The following SYT6 variants were observed in gnomAD, a reference collection of about 807,000 sequenced individuals.
The protein encoded by SYT6 is synaptotagmin 6.
A neutral mutation model predicts 38.4 loss-of-function variants in SYT6; 24 were observed. The ratio of observed to expected loss-of-function variants is 0.62; its 90% CI spans 0.45 to 0.88. SYT6 has a LOEUF of 0.88. Ranked by LOEUF, SYT6 falls within the 40% of genes least tolerant of loss-of-function variation. The pLI is 0.00. For missense variants in SYT6, 611 were observed against 621.0 expected, an observed-to-expected ratio of 0.98 and a Z score of 0.17; for synonymous variants, 265 against 241.9, an observed-to-expected ratio of 1.10 and a Z score of -0.89.
At chr1:114,150,369 C>T (rs1679382870) in intron 1 of SYT6, among the ~76,000 whole-genome samples, 1 of 152,178 alleles carries the variant, frequency 6.6e-6, no homozygotes, top group Admixed American at 6.5e-5. Flanking sequence ...TCAAAACACA[C>T]TAGTCAGAAT....
chr1:114,123,485 C>T (rs1221958135), intron 3 of SYT6, among the ~76,000 whole-genome samples: 1 of 152,186 alleles, frequency 6.6e-6, no homozygotes, highest in Non-Finnish European at 1.5e-5. Flanking sequence ...AAGCAGTGAC[C>T]TCTTTTATTC....
chr1:114,132,094 A>G (rs752906695), intron 3 of SYT6, among the ~76,000 whole-genome samples: 5 of 152,216 alleles, frequency 3.3e-5, no homozygotes, highest in East Asian at 1.9e-4. Context: ...GTTTATTTAC[A>G]TATGGGGGAT....
chr1:114,106,992 G>A (rs1162262825), intron 3 of SYT6, among the ~76,000 whole-genome samples: 1 of 152,190 alleles, frequency 6.6e-6, no homozygotes, highest in Non-Finnish European at 1.5e-5. Context: ...AACTCTGGAA[G>A]GAGTGGTTCT....
At chr1:114,146,668 G>A (rs905991914) in intron 1 of SYT6, among the ~76,000 whole-genome samples, 52 of 152,198 alleles carry the variant, frequency 3.4e-4, no homozygotes, top group Admixed American at 1.4e-3. Context: ...CACTGAAAAA[G>A]AGAAAGTACC....
intron 3 of SYT6, among the ~76,000 whole-genome samples, chr1:114,136,575 TTC>T (rs1678497739): frequency 6.6e-6 from 1 of 152,202 alleles, no homozygotes; most frequent in African/African-American, 2.4e-5. Flanking sequence ...TCCTCTCCAG[TTC>T]TCTGTGCCAA....
chr1:114,100,478 C>G (rs1226468627), intron 4 of SYT6, among the ~76,000 whole-genome samples: 1 of 152,226 alleles, frequency 6.6e-6, no homozygotes, highest in African/African-American at 2.4e-5. Context: ...TTAGGGAGAA[C>G]TGTGACACCT....
chr1:114,117,976 C>A, intron 3 of SYT6, among the ~76,000 whole-genome samples: 1 of 152,230 alleles, frequency 6.6e-6, no homozygotes, highest in Admixed American at 6.5e-5. Context: ...CTTTCGGGCC[C>A]CTTCCTGTTC....
At chr1:114,094,301 G>A (rs1480043519) in intron 6 of SYT6, among the ~76,000 whole-genome samples, 2 of 152,216 alleles carry the variant, frequency 1.3e-5, no homozygotes, top group African/African-American at 4.8e-5. Flanking sequence ...AGCACACAGG[G>A]AGATTATTGT....
intron 1 of SYT6, among the ~76,000 whole-genome samples, chr1:114,149,194 TGAGAGA>T (rs144593044): frequency 2.0e-5 from 3 of 148,604 alleles, no homozygotes; most frequent in Admixed American, 6.7e-5. Flanking sequence ...GAGGAATATC[TGAGAGA>T]GAGAGAGAGA....
chr1:114,101,282 C>T (rs1435223984), intron 4 of SYT6, among the ~76,000 whole-genome samples: 1 of 152,144 alleles, frequency 6.6e-6, no homozygotes, highest in Admixed American at 6.5e-5. Context: ...GATGACCGTT[C>T]CCTAGGCTTT....
rs560202605 is a variant in SYT6 at position 114,147,649 on chromosome 1, G to A, written c.163+5961C>T. 3.3e-5 allele frequency among the ~76,000 whole-genome samples: 5 copies of A among 152,330 alleles called. No individual in the cohort carries two copies. In the South Asian group the frequency reaches 1.0e-3, roughly 32 times the overall value. On this transcript the variant is annotated intron_variant, in intron 1 of 7. Coordinates refer to ENST00000610222, the MANE Select transcript of SYT6 (RefSeq NM_001253772.2). The stretch of plus-strand genomic sequence containing the variant: ...GGATGGACATCTCAGGTGGGCGGCA[G>A]TGCCAGAATGACCGACAGCACAGCA...
intron 3 of SYT6, among the ~76,000 whole-genome samples, chr1:114,131,825 C>T (rs945828857): frequency 4.6e-5 from 7 of 152,214 alleles, no homozygotes; most frequent in African/African-American, 1.4e-4. Context: ...AATCCAATGT[C>T]AGCACCAAAC....
intron 5 of SYT6, 34 bp from the exon 6 acceptor site, chr1:114,097,911 C>A (rs1216047957): frequency 6.2e-7 from 1 of 1,609,120 alleles, no homozygotes; most frequent in South Asian, 1.1e-5. Flanking sequence ...GCACTGGCTA[C>A]CAGACATGCC....
At position 114,091,670 on chromosome 1, in the gene SYT6, C is replaced by T. The variant is rs1675308216; in HGVS notation, c.*464G>A. ...CGCAGCATTTCAGAAACTCAATCCA[C>T]CTCTTTCCAAAAAACTGTACCTTGT... On this transcript the variant is annotated 3_prime_UTR_variant, in exon 8 of 8. Transcript: ENST00000610222. The T allele has an allele frequency of 5.2e-6, 1 of 192,804 alleles. No individual in the cohort carries two copies. The highest frequency in any genetic ancestry group is 1.1e-5 in the Non-Finnish European group (1 of 95,112). The allele number at this position is 192,804 out of a possible 1,614,324, so 11.9% of individuals were successfully genotyped here.
chr1:114,103,949 C>T (rs1335525016), intron 3 of SYT6, among the ~76,000 whole-genome samples: 2 of 152,358 alleles, frequency 1.3e-5, no homozygotes, highest in South Asian at 4.1e-4. Flanking sequence ...AATATTCCCT[C>T]TCAATGTCAA....
intron 1 of SYT6, among the ~76,000 whole-genome samples, chr1:114,151,023 G>T (rs887518019): frequency 1.3e-5 from 2 of 152,174 alleles, no homozygotes; most frequent in Non-Finnish European, 2.9e-5. Context: ...ACAGAGCTGG[G>T]CCTGCTCTAG....
At chr1:114,145,626 C>T (rs1393387742) in intron 1 of SYT6, among the ~76,000 whole-genome samples, 2 of 150,428 alleles carry the variant, frequency 1.3e-5, no homozygotes, top group Non-Finnish European at 2.9e-5. Context: ...TATATGTGTC[C>T]TTATTCTACA....
Position 114,153,856 on chromosome 1 carries a change from A to G in SYT6, c.-84T>C, listed in dbSNP as rs1571912099. The G allele has an allele frequency of 1.6e-5, 9 of 557,424 alleles. No individual in the cohort carries two copies. The East Asian group carries it at 3.1e-4, about 19-fold the overall frequency. 34.5% of individuals were successfully genotyped at this position (557,424 alleles called of 1,614,324 possible). A position where few individuals can be genotyped will look rare whatever the true frequency, so the allele number is the denominator to read the frequency against. ...GGCGGGGCACGACGGCCCCAAGAAG[A>G]CCCTCCCTGCAGCGGCCCCCTGCGG... is the stretch of plus-strand genomic sequence containing the variant. On this transcript the variant is annotated 5_prime_UTR_variant, in exon 1 of 8. Transcript: ENST00000610222.
At chr1:114,113,010 G>A (rs562849205) in intron 3 of SYT6, among the ~76,000 whole-genome samples, 3 of 152,326 alleles carry the variant, frequency 2.0e-5, no homozygotes, top group African/African-American at 7.2e-5. Flanking sequence ...AGTGCCCTGA[G>A]GGGGATGCCA....
Sources: gnomAD v4.1 joint callset for allele counts (sites outside exome capture counted in the v4.1 genomes callset) on GRCh38, gnomAD v4.1.1 for gene constraint, MANE v1.5 for transcripts, NCBI Gene and HGNC (gene_info 2026-07-23, HGNC 2026-07-21) for gene names.